Variants in CHODL observed in about 807,000 individuals in gnomAD.
CHODL encodes the protein transmembrane protein MT75.
In CHODL, 29 loss-of-function variants were observed where a neutral mutation model predicts 34.5. The observed-to-expected ratio is 0.84, with a 90% CI of 0.63 to 1.15. CHODL has a LOEUF of 1.15. Among genes scored for constraint, CHODL ranks in the 50% most tolerant of loss-of-function variants. The pLI is 0.00. For synonymous variants in CHODL, 125 were observed against 116.1 expected (o/e 1.08, Z -0.49); for missense variants, 332 against 332.5 (o/e 1.00, Z 0.01).
chr21:18,182,370 C>T (rs938034714), intron 2 of CHODL, among the ~76,000 whole-genome samples: 25 of 152,162 alleles, frequency 1.6e-4, no homozygotes, highest in Non-Finnish European at 1.3e-4. Flanking sequence ...GCTCTTTCTC[C>T]ACTGGCATAA....
At chr21:18,122,775 A>C (rs2824640) in intron 2 of CHODL, among the ~76,000 whole-genome samples, 61,930 of 152,050 alleles carry the variant, frequency 0.41, 13,717 homozygotes, top group East Asian at 0.89. Context: ...TAAATCCTGT[A>C]ATCTTGAACA....
intron 2 of CHODL, among the ~76,000 whole-genome samples, chr21:18,129,077 TA>T (rs2072618929): frequency 1.3e-5 from 2 of 151,710 alleles, no homozygotes; most frequent in Non-Finnish European, 2.9e-5. Context: ...ACCTATTTTA[TA>T]TTTTATTGGA....
At chr21:18,188,860 G>T (rs184903238) in intron 2 of CHODL, among the ~76,000 whole-genome samples, 24 of 152,344 alleles carry the variant, frequency 1.6e-4, no homozygotes, top group Admixed American at 5.2e-4. Flanking sequence ...TGTTCAGAGA[G>T]ATAAAGAAAA....
At chr21:18,106,191 C>A (rs1344771507) in intron 2 of CHODL, among the ~76,000 whole-genome samples, 9 of 152,140 alleles carry the variant, frequency 5.9e-5, no homozygotes, top group African/African-American at 2.2e-4. Context: ...CCAAGTCTGG[C>A]AAATGGAAGT....
intron 1 of CHODL, among the ~76,000 whole-genome samples, chr21:18,015,596 A>T (rs981269697): frequency 6.6e-6 from 1 of 152,176 alleles, no homozygotes; most frequent in African/African-American, 2.4e-5. Flanking sequence ...AGGGTTGAAC[A>T]ACTTGAGGGC....
At chr21:18,169,470 T>C (rs1200368888) in intron 2 of CHODL, among the ~76,000 whole-genome samples, 1 of 151,986 alleles carries the variant, frequency 6.6e-6, no homozygotes. Flanking sequence ...TCTATCTTTA[T>C]GCCAAGACCA....
At position 18,236,415 on chromosome 21, in the gene CHODL, T is replaced by C. The variant is rs540788617; in HGVS notation, c.-44-20094T>C. Among the ~76,000 whole-genome samples, 3 of 152,226 alleles carry C rather than the reference T, an allele frequency of 2.0e-5. No homozygotes were observed. In the East Asian group the frequency reaches 5.8e-4, roughly 29 times the overall value. On this transcript the variant is annotated intron_variant, in intron 2 of 6. Coordinates refer to the CHODL transcript ENST00000400127. ...CCAAACCATATCAAGCTTTGATTAC[T>C]TTTTGTAGCTTTTGAGCATTTAGAC...
chr21:18,100,513 A>G (rs2065199914), intron 2 of CHODL, among the ~76,000 whole-genome samples: 1 of 152,146 alleles, frequency 6.6e-6, no homozygotes, highest in African/African-American at 2.4e-5. Context: ...TAAGAATTCC[A>G]TATGCAATTC....
Position 18,205,084 on chromosome 21 carries a change from C to G in CHODL, c.-44-51425C>G, listed in dbSNP as rs1321566971. 2.0e-5 allele frequency among the ~76,000 whole-genome samples: 3 copies of G among 152,242 alleles called. No individual in the cohort carries two copies. The East Asian group carries it at 5.8e-4, about 29-fold the overall frequency. ...GGTGCCACTAGGATGCCCTTTCTTT[C>G]TCTTGTGTGATTGCTCTAGCTAGGA... is the stretch of plus-strand genomic sequence containing the variant. On this transcript the variant is annotated intron_variant, in intron 2 of 6. Coordinates refer to the CHODL transcript ENST00000400127.
At chr21:18,239,823 T>C (rs903053591) in intron 2 of CHODL, among the ~76,000 whole-genome samples, 1 of 152,044 alleles carries the variant, frequency 6.6e-6, no homozygotes, top group Admixed American at 6.6e-5. Flanking sequence ...CAAAGGACCA[T>C]AGAAAATTTT....
At chr21:18,070,033 C>T (rs1418425113) in intron 2 of CHODL, among the ~76,000 whole-genome samples, 2 of 107,140 alleles carry the variant, frequency 1.9e-5, no homozygotes, top group South Asian at 3.6e-4. Flanking sequence ...CCTCCCCCCC[C>T]CCACCCATTT....
intron 1 of CHODL, among the ~76,000 whole-genome samples, chr21:18,248,677 T>C (rs1251499923): frequency 1.6e-5 from 2 of 124,856 alleles, no homozygotes; most frequent in Non-Finnish European, 3.2e-5. Flanking sequence ...ATAATACATA[T>C]ATGTATATAT....
chr21:18,118,485 A>G (rs968088790), intron 2 of CHODL, among the ~76,000 whole-genome samples: 1 of 152,188 alleles, frequency 6.6e-6, no homozygotes, highest in Non-Finnish European at 1.5e-5. Flanking sequence ...AATTAGCTTT[A>G]TCCATCATTA....
At chr21:17,930,625 G>C (rs547889593) in intron 1 of CHODL, among the ~76,000 whole-genome samples, 59 of 152,316 alleles carry the variant, frequency 3.9e-4, no homozygotes, top group Admixed American at 9.1e-4. Context: ...TCCGGTCCTG[G>C]TTTAGTCCCT....
chr21:18,257,528 C>G (rs2074332253), intron 3 of CHODL, among the ~76,000 whole-genome samples: 2 of 152,184 alleles, frequency 1.3e-5, no homozygotes, highest in African/African-American at 2.4e-5. Flanking sequence ...CTTTATCTGA[C>G]TTTAAGAGAA....
chr21:17,971,345 C>T lies in CHODL; in HGVS notation c.-145+53945C>T, dbSNP rs186581056. ...CAATAGTTGAACTAATTTACACTCC[C>T]ACCAACAGTGTAAAAGTGTTTCTAT... is the stretch of plus-strand genomic sequence containing the variant. On this transcript the variant is annotated intron_variant, in intron 1 of 6. Transcript: ENST00000400127. 1.4e-3 allele frequency among the ~76,000 whole-genome samples: 211 copies of T among 152,312 alleles called. 2 individuals carry two copies. The Middle Eastern group carries it at 0.024, about 17-fold the overall frequency.
intron 2 of CHODL, among the ~76,000 whole-genome samples, chr21:18,053,545 C>T (rs1447999837): frequency 2.0e-5 from 3 of 151,858 alleles, no homozygotes; most frequent in Non-Finnish European, 4.4e-5. Flanking sequence ...GAAATGGAAC[C>T]TCCATTTGAT....
chr21:18,095,968 T>C (rs141121094), intron 2 of CHODL, among the ~76,000 whole-genome samples: 1 of 152,290 alleles, frequency 6.6e-6, no homozygotes, highest in East Asian at 1.9e-4. Context: ...TCATGATAAA[T>C]GTTTCGGGAA....
intron 2 of CHODL, among the ~76,000 whole-genome samples, chr21:18,095,572 A>G (rs972243841): frequency 1.3e-5 from 2 of 152,156 alleles, no homozygotes; most frequent in African/African-American, 4.8e-5. Context: ...ATCCTATCAA[A>G]CATTTAAAGA....
Sources: gnomAD v4.1 joint callset for allele counts (sites outside exome capture counted in the v4.1 genomes callset) on GRCh38, gnomAD v4.1.1 for gene constraint, MANE v1.5 for transcripts, NCBI Gene and HGNC (gene_info 2026-07-23, HGNC 2026-07-21) for gene names.